The following MED13L variants were observed in gnomAD, a reference collection of about 807,000 sequenced individuals.
MED13L encodes mediator complex subunit 13L.
A neutral mutation model predicts 220.9 loss-of-function variants in MED13L; 7 were observed. The ratio of observed to expected loss-of-function variants is 0.03; its 90% CI spans 0.02 to 0.06. MED13L has a LOEUF of 0.06. Among genes scored for constraint, MED13L ranks in the 10% least tolerant of loss-of-function variants. MED13L has a pLI of 1.00. For missense variants in MED13L, 1,965 were observed against 2,760.5 expected, an observed-to-expected ratio of 0.71 and a Z score of 6.46; for synonymous variants, 1,011 against 1,015.2, an observed-to-expected ratio of 1.00 and a Z score of 0.08.
intron 16 of MED13L, among the ~76,000 whole-genome samples, chr12:115,993,968 G>C (rs147065202): frequency 3.2e-4 from 49 of 152,280 alleles, no homozygotes; most frequent in African/African-American, 1.2e-3. Flanking sequence ...GGCGAGCAGA[G>C]ACCACAGCAG....
chr12:116,241,332 CA>C (rs200027979), intron 1 of MED13L, among the ~76,000 whole-genome samples: 9 of 145,406 alleles, frequency 6.2e-5, no homozygotes, highest in Non-Finnish European at 9.1e-5. Flanking sequence ...AACAAAAAAA[CA>C]AAAAAAAAAC....
intron 1 of MED13L, among the ~76,000 whole-genome samples, chr12:116,271,978 T>C (rs1873401400): frequency 6.6e-6 from 1 of 152,180 alleles, no homozygotes; most frequent in Non-Finnish European, 1.5e-5. Context: ...TGTTATTTTC[T>C]TCAATCAAAA....
At chr12:115,998,053 CAG>C (rs1477848469) in intron 14 of MED13L, among the ~76,000 whole-genome samples, 1 of 152,098 alleles carries the variant, frequency 6.6e-6, no homozygotes, top group African/African-American at 2.4e-5. Flanking sequence ...ATATTTTTTC[CAG>C]ACAGATATTA....
At chr12:115,969,726 G>C (rs1055033938) in intron 27 of MED13L, among the ~76,000 whole-genome samples, 1 of 151,972 alleles carries the variant, frequency 6.6e-6, no homozygotes, top group Non-Finnish European at 1.5e-5. Context: ...GTTTCACCAC[G>C]TTGGCCAGGC....
At chr12:116,135,131 T>A (rs1010306823) in intron 2 of MED13L, among the ~76,000 whole-genome samples, 1 of 152,198 alleles carries the variant, frequency 6.6e-6, no homozygotes, top group Non-Finnish European at 1.5e-5. Context: ...ATTGTGCCAC[T>A]GTACTCCAGC....
intron 9 of MED13L, among the ~76,000 whole-genome samples, chr12:116,009,764 C>T (rs61936947): frequency 0.073 from 11,146 of 152,176 alleles, 452 homozygotes; most frequent in Middle Eastern, 0.11. Flanking sequence ...GAAGTTAACA[C>T]CACACATACA....
chr12:116,180,654 C>A (rs1275302829), intron 2 of MED13L, among the ~76,000 whole-genome samples: 4 of 152,154 alleles, frequency 2.6e-5, no homozygotes, highest in African/African-American at 9.7e-5. Context: ...CCCTCCAGAT[C>A]TACACGAGAT....
chr12:116,161,022 A>ACAAGAC (rs1878817651), intron 2 of MED13L, among the ~76,000 whole-genome samples: 1 of 152,230 alleles, frequency 6.6e-6, no homozygotes, highest in African/African-American at 2.4e-5. Flanking sequence ...GCTGAGAAGT[A>ACAAGAC]CAAGACCATG....
chr12:116,146,904 A>T (rs1877573354), intron 2 of MED13L, among the ~76,000 whole-genome samples: 1 of 152,040 alleles, frequency 6.6e-6, no homozygotes, highest in South Asian at 2.1e-4. Context: ...AAAAACCAAA[A>T]ATCTCTAAAT....
At chr12:116,144,535 C>T (rs568638406) in intron 2 of MED13L, among the ~76,000 whole-genome samples, 1 of 152,216 alleles carries the variant, frequency 6.6e-6, no homozygotes, top group Non-Finnish European at 1.5e-5. Flanking sequence ...AATATAAGTT[C>T]TGCATGTTTG....
intron 3 of MED13L, among the ~76,000 whole-genome samples, chr12:116,108,012 C>T (rs1329802888): frequency 6.6e-6 from 1 of 151,994 alleles, no homozygotes; most frequent in Non-Finnish European, 1.5e-5. Context: ...ATTGCTTGAA[C>T]CTGGGAGGCG....
intron 1 of MED13L, among the ~76,000 whole-genome samples, chr12:116,263,524 TA>T (rs1278427716): frequency 6.6e-6 from 1 of 152,222 alleles, no homozygotes; most frequent in Non-Finnish European, 1.5e-5. Context: ...TCTATTGTGC[TA>T]ATCTCCAACT....
intron 21 of MED13L, 115 bp from the exon 22 acceptor site, chr12:115,982,718 A>G: frequency 1.0e-6 from 1 of 982,558 alleles, no homozygotes; most frequent in Non-Finnish European, 1.6e-6. Context: ...TTTACAGATT[A>G]AAGGTAAGAG....
chr12:116,015,277 G>A lies in MED13L; in HGVS notation c.1010-3C>T, dbSNP rs771459223. Reference sequence around the variant, plus strand: ...ACTCTGCATACCTCCACTCTCACCTGAAAAAAAAGGCAATTTGGAATGTTA... The same window carrying A: ...ACTCTGCATACCTCCACTCTCACCTAAAAAAAAAGGCAATTTGGAATGTTA... On this transcript the variant is annotated splice_polypyrimidine_tract_variant and splice_region_variant and intron_variant, in intron 7 of 30. Coordinates refer to ENST00000281928, the MANE Select transcript of MED13L (RefSeq NM_015335.5). 1 of 1,612,650 alleles carries A rather than the reference G, an allele frequency of 6.2e-7. No homozygotes were observed. Among genetic ancestry groups the A allele is most frequent in the Admixed American group, 1.7e-5 (1 of 59,912 alleles).
intron 4 of MED13L, among the ~76,000 whole-genome samples, chr12:116,060,179 C>CT (rs1258784702): frequency 2.0e-5 from 3 of 152,096 alleles, no homozygotes; most frequent in African/African-American, 7.2e-5. Context: ...GGGCCTGGAG[C>CT]ATTCTCTGGA....
intron 1 of MED13L, among the ~76,000 whole-genome samples, chr12:116,243,625 T>C (rs142556112): frequency 2.2e-3 from 338 of 152,050 alleles, no homozygotes; most frequent in African/African-American, 7.8e-3. Flanking sequence ...ACTAGATCCC[T>C]TGTGACCAAC....
chr12:116,000,465 T>A (rs1415305680), intron 14 of MED13L, among the ~76,000 whole-genome samples: 2 of 152,190 alleles, frequency 1.3e-5, no homozygotes, highest in African/African-American at 4.8e-5. Context: ...GCACTTTATG[T>A]ATTCATGCAC....
intron 4 of MED13L, among the ~76,000 whole-genome samples, chr12:116,044,709 A>G (rs1881729853): frequency 6.6e-6 from 1 of 152,236 alleles, no homozygotes; most frequent in Non-Finnish European, 1.5e-5. Context: ...TAATCCCCGG[A>G]AAAGTCACAT....
chr12:116,196,384 A>C (rs1373578621), intron 2 of MED13L, among the ~76,000 whole-genome samples: 2 of 152,118 alleles, frequency 1.3e-5, no homozygotes, highest in Non-Finnish European at 2.9e-5. Context: ...AATTAACAAA[A>C]AAAAAAAAAG....
Sources: allele counts gnomAD v4.1 joint callset (sites outside exome capture counted in the v4.1 genomes callset), GRCh38; gene constraint gnomAD v4.1.1; transcripts MANE v1.5; gene names NCBI Gene and HGNC (gene_info 2026-07-23, HGNC 2026-07-21).